The following SCAI variants were observed in gnomAD, a reference collection of about 807,000 sequenced individuals.
SCAI encodes the protein suppressor of cancer cell invasion, also known as protein SCAI.
A neutral mutation model predicts 92.2 loss-of-function variants in SCAI; 24 were observed. That is an observed-to-expected ratio of 0.26 (90% CI 0.19 to 0.37). SCAI has a LOEUF of 0.37. Among genes scored for constraint, SCAI ranks in the 10% least tolerant of loss-of-function variants. The pLI is 1.00. For missense variants in SCAI, 450 were observed against 736.2 expected (o/e 0.61, Z 4.50); for synonymous variants, 261 against 258.6 (o/e 1.01, Z -0.09).
At chr9:125,001,003 G>A (rs776288017) in intron 12 of SCAI, among the ~76,000 whole-genome samples, 2 of 151,996 alleles carry the variant, frequency 1.3e-5, no homozygotes, top group African/African-American at 4.8e-5. Flanking sequence ...TATGTTAAGC[G>A]GAAACCAAGA....
chr9:125,070,707 C>CT (rs1439739615), intron 2 of SCAI, among the ~76,000 whole-genome samples: 1 of 152,128 alleles, frequency 6.6e-6, no homozygotes, highest in Admixed American at 6.6e-5. Flanking sequence ...CCAAAACAAT[C>CT]TTTTTGTCTT....
At chr9:124,959,794 TTTGTCC>T (rs1343546735) in intron 17 of SCAI, among the ~76,000 whole-genome samples, 1 of 151,780 alleles carries the variant, frequency 6.6e-6, no homozygotes, top group African/African-American at 2.4e-5. Flanking sequence ...TGTTTGGTTT[TTTGTCC>T]TTGCGACAGT....
At chr9:125,127,382 G>C (rs543303775) in intron 2 of SCAI, among the ~76,000 whole-genome samples, 37 of 151,646 alleles carry the variant, frequency 2.4e-4, no homozygotes, top group Non-Finnish European at 4.1e-4. Flanking sequence ...GTAGAATTGA[G>C]GGGGAGAAGG....
At chr9:125,115,249 G>A (rs953880492) in intron 2 of SCAI, among the ~76,000 whole-genome samples, 8 of 151,636 alleles carry the variant, frequency 5.3e-5, no homozygotes, top group African/African-American at 1.9e-4. Context: ...GTGGGCACCT[G>A]TAGTCCCAGC....
intron 3 of SCAI, among the ~76,000 whole-genome samples, chr9:125,036,776 T>G (rs1484707388): frequency 1.3e-5 from 2 of 152,228 alleles, no homozygotes; most frequent in Admixed American, 6.5e-5. Context: ...TAACTGTGCA[T>G]GTATGCATAT....
At chr9:124,958,569 C>T (rs759722974) in intron 17 of SCAI, among the ~76,000 whole-genome samples, 1 of 151,972 alleles carries the variant, frequency 6.6e-6, no homozygotes, top group Non-Finnish European at 1.5e-5. Context: ...CAAAATAAAC[C>T]ATAGACCTAC....
intron 2 of SCAI, among the ~76,000 whole-genome samples, chr9:125,133,096 T>C (rs959210009): frequency 1.3e-5 from 2 of 151,918 alleles, no homozygotes; most frequent in African/African-American, 4.8e-5. Context: ...ACATACCTAA[T>C]AATGAATTTG....
chr9:124,980,918 T>A (rs1291519901), intron 14 of SCAI, among the ~76,000 whole-genome samples: 3 of 152,176 alleles, frequency 2.0e-5, no homozygotes, highest in Admixed American at 6.5e-5. Context: ...TCTATCAGAT[T>A]ATAATTAAAT....
chr9:124,965,767 T>TC (rs1831527356), intron 17 of SCAI, among the ~76,000 whole-genome samples: 1 of 152,178 alleles, frequency 6.6e-6, no homozygotes, highest in African/African-American at 2.4e-5. Context: ...ATCAAGCAAT[T>TC]CAACTTTTTC....
chr9:125,038,853 C>T (rs1237005892), intron 3 of SCAI, among the ~76,000 whole-genome samples: 2 of 152,190 alleles, frequency 1.3e-5, no homozygotes, highest in African/African-American at 2.4e-5. Context: ...CCTGCTACTG[C>T]GTTTTTGCTT....
intron 2 of SCAI, among the ~76,000 whole-genome samples, chr9:125,140,108 G>A (rs982052008): frequency 1.3e-5 from 2 of 151,890 alleles, no homozygotes; most frequent in African/African-American, 2.4e-5. Flanking sequence ...GTAGTCCCAG[G>A]TACTTGGGAG....
intron 9 of SCAI, 68 bp from the exon 10 acceptor site, chr9:125,003,638 C>T (rs766097749): frequency 2.1e-6 from 2 of 957,720 alleles, no homozygotes; most frequent in Non-Finnish European, 3.3e-6. Context: ...AGACTTTTAT[C>T]ACGTTACTAG....
intron 17 of SCAI, among the ~76,000 whole-genome samples, chr9:124,966,613 C>CT (rs140154802): frequency 8.7e-4 from 132 of 151,650 alleles, no homozygotes; most frequent in African/African-American, 3.0e-3. Context: ...CATGATATAC[C>CT]TTTTTCTTAA....
At chr9:124,993,944 A>G (rs1031815431) in intron 14 of SCAI, among the ~76,000 whole-genome samples, 2 of 152,194 alleles carry the variant, frequency 1.3e-5, no homozygotes, top group African/African-American at 2.4e-5. Context: ...TTGACCAGAT[A>G]CAAAGGACTC....
chr9:125,090,493 G>A (rs941542228), intron 2 of SCAI, among the ~76,000 whole-genome samples: 30 of 151,848 alleles, frequency 2.0e-4, no homozygotes, highest in African/African-American at 6.0e-4. Flanking sequence ...GAAGGAAGGG[G>A]CAGGGGAGAA....
chr9:125,026,673 T>G lies in SCAI; in HGVS notation c.512+139A>C, dbSNP rs360201. On this transcript the variant is annotated intron_variant, in intron 6 of 17. Coordinates refer to ENST00000336505, the MANE Select transcript of SCAI (RefSeq NM_001144877.3). Reference sequence around the variant, plus strand: ...ATAAACTTCTCTATGCTTTCGAAGGTCTATTACATAGCAGGCACTCAATAA... The same window carrying G: ...ATAAACTTCTCTATGCTTTCGAAGGGCTATTACATAGCAGGCACTCAATAA... 3,963 of 499,954 alleles carry G rather than the reference T, an allele frequency of 7.9e-3. 110 individuals carry two copies. The highest frequency in any genetic ancestry group is 0.068 in the African/African-American group (3,501 of 51,554). 31.0% of individuals were successfully genotyped at this position (499,954 alleles called of 1,614,324 possible). A position where few individuals can be genotyped will look rare whatever the true frequency, so the allele number is the denominator to read the frequency against.
intron 2 of SCAI, among the ~76,000 whole-genome samples, chr9:125,105,674 T>C (rs1033799114): frequency 2.0e-5 from 3 of 152,240 alleles, no homozygotes; most frequent in Non-Finnish European, 2.9e-5. Context: ...TTATACATAT[T>C]GTCTGTATTT....
Position 125,143,454 on chromosome 9 carries a change from C to A in SCAI, c.-17G>T. ...TCTGACCATCCGGCTCCTGCTCCGC[C>A]GCGGGAGCTGCTCCGGCGGCCGCAG... On this transcript the variant is annotated 5_prime_UTR_variant, in exon 1 of 18. Transcript: ENST00000336505. 7.4e-7 allele frequency: 1 copy of A among 1,351,532 alleles called. No homozygotes were observed. Among genetic ancestry groups the A allele is most frequent in the Non-Finnish European group, 9.5e-7 (1 of 1,049,594 alleles). 83.7% of individuals were successfully genotyped at this position (1,351,532 alleles called of 1,614,324 possible).
intron 9 of SCAI, among the ~76,000 whole-genome samples, chr9:125,006,203 A>G (rs1050188707): frequency 1.3e-5 from 2 of 152,198 alleles, no homozygotes; most frequent in African/African-American, 2.4e-5. Flanking sequence ...CAGAAACAGG[A>G]TGATACAAAC....
Sources: allele counts gnomAD v4.1 joint callset (sites outside exome capture counted in the v4.1 genomes callset), GRCh38; gene constraint gnomAD v4.1.1; transcripts MANE v1.5; gene names NCBI Gene and HGNC (gene_info 2026-07-23, HGNC 2026-07-21).